Variants in KLF12 observed in about 807,000 individuals in gnomAD.
KLF12 encodes the protein Krueppel-like factor 12.
In KLF12, 9 loss-of-function variants were observed where a neutral mutation model predicts 37.8. That is an observed-to-expected ratio of 0.24 (90% confidence interval 0.14 to 0.42). The LOEUF (loss-of-function observed/expected upper bound fraction) is 0.42. KLF12 is among the 10% of genes least tolerant of loss of function. KLF12 has a pLI of 1.00. For synonymous variants in KLF12, 208 were observed against 202.1 expected (o/e 1.03, Z -0.25); for missense variants, 411 against 516.0 (o/e 0.80, Z 1.97).
At chr13:74,087,137 T>C (rs1875356016) in intron 1 of KLF12, among the ~76,000 whole-genome samples, 3 of 152,134 alleles carry the variant, frequency 2.0e-5, no homozygotes, top group Admixed American at 2.0e-4. Flanking sequence ...TGTGACATTA[T>C]TTAGCAGTAA....
rs929685417 is a variant in KLF12, at chr13:73,686,857, G to A, written c.*8633C>T. The stretch of plus-strand genomic sequence containing the variant: ...ACAGATCTCGTGATCCAATCACCAC[G>A]TATAATGAGCTAAACGTCAAGGAAA... On this transcript the variant is annotated 3_prime_UTR_variant, in exon 8 of 8. Coordinates refer to ENST00000377669, the MANE Select transcript of KLF12 (RefSeq NM_007249.5). 1.3e-4 allele frequency: 20 copies of A among 152,074 alleles called. No homozygotes were observed. In the East Asian group the frequency reaches 3.3e-3, roughly 25 times the overall value. 9.4% of individuals were successfully genotyped at this position (152,074 alleles called of 1,614,324 possible).
rs569988535 is a variant in KLF12 at position 74,068,289 on chromosome 13, C to A, written c.-32+65450G>T. ...AATTTTAAAGATTCAGCTACTATAA[C>A]AATTTTTTAAAACAATTTTTAATAC... On this transcript the variant is annotated intron_variant, in intron 1 of 7. Transcript: ENST00000377669. 3.9e-5 allele frequency among the ~76,000 whole-genome samples: 6 copies of A among 152,214 alleles called. No individual in the cohort carries two copies. The South Asian group carries it at 1.2e-3, about 32-fold the overall frequency.
chr13:73,778,053 G>C (rs1880730001), intron 5 of KLF12, among the ~76,000 whole-genome samples: 1 of 151,148 alleles, frequency 6.6e-6, no homozygotes, highest in African/African-American at 2.4e-5. Flanking sequence ...AGAATCGCTT[G>C]AACTCGGGAG....
At position 74,108,325 on chromosome 13, in the gene KLF12, C is replaced by T. The variant is rs574028021; in HGVS notation, c.-32+25414G>A. Among the ~76,000 whole-genome samples the T allele has an allele frequency of 7.2e-5, 11 of 152,208 alleles. No homozygotes were observed. In the South Asian group the frequency reaches 1.0e-3, roughly 14 times the overall value. ...TTCAGATGACCACTTCATTCTCACT[C>T]CAATTTCTGTATAACTCTTTCAAAA... On this transcript the variant is annotated intron_variant, in intron 1 of 7. Transcript: ENST00000377669.
At chr13:74,240,983 G>T in the KLF12 span, among the ~76,000 whole-genome samples, 3 of 152,014 alleles carry the variant, frequency 2.0e-5, no homozygotes, top group African/African-American at 7.2e-5. Flanking sequence ...TCCGTTGCTG[G>T]TGAGGAACTG....
chr13:73,774,916 CT>C (rs59877053), intron 5 of KLF12, among the ~76,000 whole-genome samples: 2,666 of 130,336 alleles, frequency 0.02, 78 homozygotes, highest in East Asian at 0.13. Context: ...CTCTCGCATT[CT>C]TTTTTTTTTT....
chr13:74,107,603 A>C (rs1280244654), intron 1 of KLF12, among the ~76,000 whole-genome samples: 1 of 152,254 alleles, frequency 6.6e-6, no homozygotes, highest in Non-Finnish European at 1.5e-5. Flanking sequence ...CAGAGAAATA[A>C]ACTACATATT....
chr13:74,235,757 T>A, the KLF12 span, among the ~76,000 whole-genome samples: 3 of 152,138 alleles, frequency 2.0e-5, no homozygotes, highest in Non-Finnish European at 4.4e-5. Flanking sequence ...CATGCAAACT[T>A]ATTTTCATTT....
At chr13:73,961,850 T>C (rs1891031996) in intron 2 of KLF12, 1 of 355,410 alleles carries the variant, frequency 2.8e-6, no homozygotes, top group Non-Finnish European at 5.5e-6. Flanking sequence ...CATCAGCAAA[T>C]GTAGGGGAGG....
chr13:74,298,506 T>C, the KLF12 span, among the ~76,000 whole-genome samples: 24 of 152,314 alleles, frequency 1.6e-4, no homozygotes, highest in African/African-American at 5.5e-4. Flanking sequence ...AATGCCTCCA[T>C]TGTTGCAGAA....
At chr13:74,115,702 CA>C (rs10607202) in intron 1 of KLF12, among the ~76,000 whole-genome samples, 30,495 of 136,692 alleles carry the variant, frequency 0.22, 3,228 homozygotes, top group Middle Eastern at 0.28. Flanking sequence ...AAAACTCTGA[CA>C]AAAAAAAAAA....
At chr13:73,925,458 C>G (rs760862268) in intron 3 of KLF12, among the ~76,000 whole-genome samples, 10 of 152,154 alleles carry the variant, frequency 6.6e-5, no homozygotes, top group Admixed American at 1.3e-4. Flanking sequence ...GTATTTTAAG[C>G]TCACTATTAA....
At position 73,690,856 on chromosome 13, in the gene KLF12, A is replaced by T. The variant is rs1251987129; in HGVS notation, c.*4634T>A. The T allele has an allele frequency of 6.6e-6, 1 of 152,424 alleles. No individual in the cohort carries two copies. Among genetic ancestry groups the T allele is most frequent in the Admixed American group, 6.6e-5 (1 of 15,236 alleles). The allele number at this position is 152,424 out of a possible 1,614,324, so 9.4% of individuals were successfully genotyped here. On this transcript the variant is annotated 3_prime_UTR_variant, in exon 8 of 8. Coordinates refer to ENST00000377669, the MANE Select transcript of KLF12 (RefSeq NM_007249.5). ...GTTACGAATACAGTAAAATATCTTC[A>T]CTCTATTTTTTAAAGATGCAGTATC... is the stretch of plus-strand genomic sequence containing the variant.
chr13:74,101,768 C>A (rs964275670), intron 1 of KLF12, among the ~76,000 whole-genome samples: 11 of 152,130 alleles, frequency 7.2e-5, no homozygotes, highest in African/African-American at 2.7e-4. Flanking sequence ...AACTAGGAAT[C>A]TGTGACATAA....
chr13:74,175,636 C>T, the KLF12 span, among the ~76,000 whole-genome samples: 1 of 152,200 alleles, frequency 6.6e-6, no homozygotes, highest in African/African-American at 2.4e-5. Flanking sequence ...GAGTTTTCCA[C>T]TGGGAGGTGC....
chr13:74,060,265 C>T (rs1263984599), intron 1 of KLF12, among the ~76,000 whole-genome samples: 2 of 151,838 alleles, frequency 1.3e-5, no homozygotes, highest in African/African-American at 4.8e-5. Context: ...TTCATATAAA[C>T]TTAAGGATTT....
intron 1 of KLF12, among the ~76,000 whole-genome samples, chr13:74,080,992 T>C (rs7318809): frequency 0.19 from 29,352 of 152,178 alleles, 2,998 homozygotes; most frequent in African/African-American, 0.27. Context: ...ATCATGCCTG[T>C]GGTTTACACA....
At chr13:73,743,440 T>C (rs995769995) in intron 6 of KLF12, among the ~76,000 whole-genome samples, 1 of 152,234 alleles carries the variant, frequency 6.6e-6, no homozygotes. Context: ...TGCTATCTTA[T>C]ATAAAATAAC....
chr13:74,304,604 A>C, the KLF12 span, among the ~76,000 whole-genome samples: 3 of 152,174 alleles, frequency 2.0e-5, no homozygotes, highest in Non-Finnish European at 2.9e-5. Context: ...TTTGAGAGAA[A>C]AATGAATTAA....
Sources: allele counts gnomAD v4.1 joint callset (sites outside exome capture counted in the v4.1 genomes callset), GRCh38; gene constraint gnomAD v4.1.1; transcripts MANE v1.5; gene names NCBI Gene and HGNC (gene_info 2026-07-23, HGNC 2026-07-21).